Variants in NPHS1 observed in about 807,000 individuals in gnomAD.
NPHS1 encodes the protein nephrin.
In NPHS1, 107 loss-of-function variants were observed where a neutral mutation model predicts 139.7. The ratio of observed to expected loss-of-function variants is 0.77; its 90% confidence interval spans 0.66 to 0.90. The LOEUF is 0.90. Ranked by LOEUF, NPHS1 falls within the 40% of genes least tolerant of loss-of-function variation. NPHS1 has a pLI of 0.00. For synonymous variants in NPHS1, 707 were observed against 706.6 expected (o/e 1.00, Z -0.01); for missense variants, 1,580 against 1,654.2 (o/e 0.96, Z 0.78).
At chr19:35,837,938 T>TAAAAAAA (rs1200757977) in intron 22 of NPHS1, among the ~76,000 whole-genome samples, 48 of 99,408 alleles carry the variant, frequency 4.8e-4, no homozygotes, top group Non-Finnish European at 6.8e-4. Flanking sequence ...GTTATTCTCT[T>TAAAAAAA]AAAAAAAAAA....
At chr19:35,827,636 A>C (rs796359867) in intron 28 of NPHS1, among the ~76,000 whole-genome samples, 16 of 152,302 alleles carry the variant, frequency 1.1e-4, no homozygotes, top group African/African-American at 3.8e-4. Flanking sequence ...TAAAACCTTT[A>C]GGCCAAGCAT....
rs575919932 is a variant in NPHS1 at position 35,845,357 on chromosome 19, G to A, written c.1930+11C>T. 1.2e-6 allele frequency: 2 copies of A among 1,614,168 alleles called. No individual in the cohort carries two copies. The highest frequency in any genetic ancestry group is 2.2e-5 in the East Asian group (1 of 44,884). Reference sequence around the variant, plus strand: ...AGGCATCGAGAGGGGCTTTCAGGCCGGGGCACATACACAGTACGTTGAGGC... The same window carrying A: ...AGGCATCGAGAGGGGCTTTCAGGCCAGGGCACATACACAGTACGTTGAGGC... On this transcript the variant is annotated intron_variant, in intron 14 of 28. Transcript: ENST00000378910. This position sits in a 1 kb window ranked among gnomAD's most constrained non-coding sequence, Gnocchi z 5.5.
chr19:35,828,421 C>T (rs1972829165), intron 28 of NPHS1, among the ~76,000 whole-genome samples: 1 of 152,114 alleles, frequency 6.6e-6, no homozygotes, highest in African/African-American at 2.4e-5. Context: ...CCAGCCACCA[C>T]ACCCGGCTAA....
chr19:35,850,979 C>G lies in NPHS1; in HGVS notation c.508G>C (p.Asp170His), dbSNP rs1172511960. 6.2e-7 allele frequency: 1 copy of G among 1,614,132 alleles called. No homozygotes were observed. Among genetic ancestry groups the G allele is most frequent in the Admixed American group, 1.7e-5 (1 of 60,022 alleles). The change falls in exon 4 of 29, where the codon GAC (aspartate) becomes CAC (histidine). Residue 170 changes from aspartate (D) to histidine (H), a missense_variant. Asp to His is a moderately conservative substitution (Grantham distance 81). Coordinates refer to ENST00000378910, the MANE Select transcript of NPHS1 (RefSeq NM_004646.4). Reference protein sequence around the residue: ...CVSGDAKPAPDITILLSGQTI... With the variant: ...CVSGDAKPAPHITILLSGQTI... ...CACTCACTCAGGAGAATGGTGATGTCAGGTGCTGGCTTCGCGTCCCCAGAC... is the reference window on the plus strand; with the variant it reads ...CACTCACTCAGGAGAATGGTGATGTGAGGTGCTGGCTTCGCGTCCCCAGAC...
rs572976871 is a variant in NPHS1, at chr19:35,851,859, C to T, written c.-22G>A. ...CCATCACAGGTCCCCCTACTGTGAC[C>T]CCCACAGCGCCCGCTGCCAGCCACC... On this transcript the variant is annotated 5_prime_UTR_variant, in exon 1 of 29. Transcript: ENST00000378910. The T allele has an allele frequency of 1.3e-6, 2 of 1,548,150 alleles. No individual in the cohort carries two copies. Among genetic ancestry groups the T allele is most frequent in the Non-Finnish European group, 1.7e-6 (2 of 1,144,942 alleles).
At position 35,848,771 on chromosome 19, in the gene NPHS1, A is replaced by G. The variant is rs201208397; in HGVS notation, c.1036T>C (p.Leu346=). Residue 346 remains leucine, a synonymous_variant, in exon 9 of 29, where the codon TTG becomes CTG. Coordinates refer to ENST00000378910, the MANE Select transcript of NPHS1 (RefSeq NM_004646.4). ...TTCTCAGTCTGGGATGCAGATCCCA[A>G]GATAATAATGGCACTAGGGGGAACT... ...VTFPPSAIII[L]GSASQTENKN... 9 of 1,614,204 alleles carry G rather than the reference A, an allele frequency of 5.6e-6. No homozygotes were observed. In the East Asian group the frequency reaches 1.8e-4, roughly 32 times the overall value.
At chr19:35,844,285 C>A in intron 15 of NPHS1, 34 bp downstream of exon 15, 2 of 1,613,910 alleles carry the variant, frequency 1.2e-6, no homozygotes, top group Non-Finnish European at 1.7e-6. Flanking sequence ...GACCTCCCAT[C>A]CCCGGGACCC....
chr19:35,833,946 C>T (rs150263974), intron 23 of NPHS1, among the ~76,000 whole-genome samples: 2 of 152,338 alleles, frequency 1.3e-5, no homozygotes, highest in Non-Finnish European at 2.9e-5. Context: ...AAGTGATCTA[C>T]CTGCCTCAGC....
In NPHS1 at chr19:35,848,350, C is replaced by T. The variant is rs765774526; in HGVS notation, c.1218G>A (p.Ala406=). ...GGGTCAGACCGTTGTCCTCCCGCCG[C>T]GCCAGGAATGTCAGGTTGGACATGG... ...HISMSNLTFL[A]RREDNGLTLT... Residue 406 remains alanine (A), a synonymous_variant, in exon 10 of 29, where the codon GCG becomes GCA. Coordinates refer to ENST00000378910, the MANE Select transcript of NPHS1 (RefSeq NM_004646.4). The T allele has an allele frequency of 8.1e-6, 13 of 1,613,982 alleles. No homozygotes were observed. The highest frequency in any genetic ancestry group is 5.5e-5 in the South Asian group (5 of 91,078).
At chr19:35,842,066 GTGGGGCTGGAGGTCCAGACC>G in intron 19 of NPHS1, 38 bp downstream of exon 19, 12 of 1,558,192 alleles carry the variant, frequency 7.7e-6, no homozygotes, top group South Asian at 2.3e-5. Flanking sequence ...GGGAGGGGAA[GTGGGGCTGGAGGTCCAGACC>G]TGGGGCTGGA....
At chr19:35,842,651 C>T (rs547110388) in intron 17 of NPHS1, 101 bp from the exon 18 acceptor site, 6 of 1,209,766 alleles carry the variant, frequency 5.0e-6, no homozygotes, top group South Asian at 3.7e-5. Context: ...GCCACAATCA[C>T]CCTCCACAGA....
rs386833920 is a variant in NPHS1, at chr19:35,842,191, G to A, written c.2596C>T (p.Arg866Ter). The A allele has an allele frequency of 5.6e-6, 9 of 1,611,992 alleles. No individual in the cohort carries two copies. The highest frequency in any genetic ancestry group is 2.2e-5 in the South Asian group (2 of 90,706). ...GTGAAAACGATGTTGGGGACACCTC[G>A]GGCACGGCAGTGGAGGGTGGCAGAA... ...TSSATLHCRA[R>*]GVPNIVFTWT... Residue 866 changes from arginine (R) to a stop codon, truncating the protein, a stop_gained, in exon 19 of 29, where the codon CGA becomes TGA. Coordinates refer to ENST00000378910, the MANE Select transcript of NPHS1 (RefSeq NM_004646.4). LOFTEE classifies it high-confidence loss of function.
intron 15 of NPHS1, 27 bp downstream of exon 15, chr19:35,844,292 A>C: frequency 1.2e-6 from 2 of 1,613,406 alleles, no homozygotes; most frequent in Non-Finnish European, 1.7e-6. Flanking sequence ...CATCCCCGGG[A>C]CCCCTCCCCA....
chr19:35,845,694 A>C lies in NPHS1; in HGVS notation c.1732T>G (p.Leu578Val), dbSNP rs1158990039. The change falls in exon 13 of 29, where the codon TTG becomes GTG. Residue 578 changes from leucine (L) to valine (V), a missense_variant. By Grantham distance (32) the Leu-to-Val change is conservative (BLOSUM62 1). Transcript: ENST00000378910. This position sits in a 1 kb window ranked among gnomAD's most constrained non-coding sequence, Gnocchi z 5.5. ...VSVSSNPPVN[L>V]SWDKEGERLE... ...CTCTCCCCTTCCTTGTCCCAGGACA[A>C]GTTGACCGGCGGATTGCTGCTGACG... 1 of 1,614,000 alleles carries C rather than the reference A, an allele frequency of 6.2e-7. No homozygotes were observed. The highest frequency in any genetic ancestry group is 1.1e-5 in the South Asian group (1 of 91,032).
intron 15 of NPHS1, 32 bp from the exon 16 acceptor site, chr19:35,844,275 G>A (rs1223277690): frequency 1.2e-6 from 2 of 1,613,816 alleles, no homozygotes; most frequent in South Asian, 2.2e-5. Flanking sequence ...GACCTGGCAG[G>A]ACCTCCCATC....
chr19:35,834,394 G>A (rs1458303786), intron 23 of NPHS1, among the ~76,000 whole-genome samples: 2 of 152,170 alleles, frequency 1.3e-5, no homozygotes, highest in South Asian at 2.1e-4. Flanking sequence ...ATTTAAGCCA[G>A]CCCAGACCAG....
In NPHS1 at chr19:35,831,034, T is replaced by C; in HGVS notation, c.3481+19A>G. ...GGGGTACCTCTGAGTGAGGGAATCC[T>C]GACATGGTCCTAACTCACCTCGGGA... On this transcript the variant is annotated intron_variant, in intron 27 of 28. Transcript: ENST00000378910. 6.2e-7 allele frequency: 1 copy of C among 1,613,090 alleles called. No homozygotes were observed. Among genetic ancestry groups the C allele is most frequent in the Non-Finnish European group, 8.5e-7 (1 of 1,179,132 alleles).
In NPHS1 at chr19:35,848,129, T is replaced by C; in HGVS notation, c.1352A>G (p.Glu451Gly). ...AQKLWIEGPP[E>G]GQKLRAGTRV... Reference sequence around the variant, plus strand: ...GGTCCCAGCCCGGAGCTTCTGGCCCTCTGGGGGACCCTCAATCCACAGTTT... The same window carrying C: ...GGTCCCAGCCCGGAGCTTCTGGCCCCCTGGGGGACCCTCAATCCACAGTTT... The change falls in exon 11 of 29, where the codon GAG (glutamate) becomes GGG (glycine). Residue 451 changes from glutamate to glycine, a missense_variant. Glu to Gly is a moderately conservative substitution (Grantham distance 98). Transcript: ENST00000378910. The C allele has an allele frequency of 6.2e-7, 1 of 1,614,030 alleles. No individual in the cohort carries two copies.
chr19:35,847,115 G>C (rs374333617), intron 11 of NPHS1, among the ~76,000 whole-genome samples: 21 of 151,730 alleles, frequency 1.4e-4, no homozygotes, highest in African/African-American at 4.3e-4. Flanking sequence ...GCACGATCTC[G>C]GCTCACTGCA....
Sources: gnomAD v4.1 joint callset for allele counts (sites outside exome capture counted in the v4.1 genomes callset) on GRCh38, gnomAD v4.1.1 for gene constraint, Gnocchi (gnomAD v3.1) non-coding constraint, MANE v1.5 for transcripts, NCBI Gene and HGNC (gene_info 2026-07-23, HGNC 2026-07-21) for gene names.